The following SVIL variants were observed in gnomAD, a reference collection of about 807,000 sequenced individuals.
The protein encoded by SVIL is archvillin.
In SVIL, 101 loss-of-function variants were observed where a neutral mutation model predicts 240.4. The ratio of observed to expected loss-of-function variants is 0.42; its 90% CI spans 0.36 to 0.50. The LOEUF (loss-of-function observed/expected upper bound fraction) is 0.50. Ranked by LOEUF, SVIL falls within the 20% of genes least tolerant of loss-of-function variation. SVIL has a pLI of 0.01. For synonymous variants in SVIL, 999 were observed against 1,100.0 expected, an observed-to-expected ratio of 0.91 and a Z score of 1.82; for missense variants, 2,512 against 2,818.7, an observed-to-expected ratio of 0.89 and a Z score of 2.46.
Position 29,580,791 on chromosome 10 carries a change from C to T in SVIL, c.-200-11479G>A, listed in dbSNP as rs577820860. Reference sequence around the variant, plus strand: ...AAGCCATCCTTCTACCTCAGCCTCACGAGTAGCTGGGACCACGCCTGGCTA... The same window carrying T: ...AAGCCATCCTTCTACCTCAGCCTCATGAGTAGCTGGGACCACGCCTGGCTA... On this transcript the variant is annotated intron_variant, in intron 1 of 37. Coordinates refer to ENST00000355867, the MANE Select transcript of SVIL (RefSeq NM_021738.3). Among the ~76,000 whole-genome samples the T allele has an allele frequency of 6.6e-4, 101 of 152,234 alleles. 2 individuals carry two copies. Among genetic ancestry groups the T allele is most frequent in the East Asian group, 5.0e-3 (26 of 5,162 alleles).
At chr10:29,541,133 GT>G (rs1404748732) in intron 6 of SVIL, among the ~76,000 whole-genome samples, 1 of 152,182 alleles carries the variant, frequency 6.6e-6, no homozygotes, top group Non-Finnish European at 1.5e-5. Flanking sequence ...TTCTCTTCAT[GT>G]CTTTTAATCT....
intron 24 of SVIL, among the ~76,000 whole-genome samples, 198 bp downstream of exon 24, chr10:29,486,965 T>C (rs1947466099): frequency 6.6e-6 from 1 of 152,204 alleles, no homozygotes; most frequent in Non-Finnish European, 1.5e-5. Context: ...GTGTAGGTCA[T>C]AGTCCTAAAG....
At chr10:29,685,948 C>G (rs1169580483) in intron 2 of SVIL, among the ~76,000 whole-genome samples, 1 of 152,166 alleles carries the variant, frequency 6.6e-6, no homozygotes, top group Non-Finnish European at 1.5e-5. Flanking sequence ...GCCAGGCAAC[C>G]CATTCATTAG....
At chr10:29,732,858 G>A (rs201409061) in intron 1 of SVIL, among the ~76,000 whole-genome samples, 1 of 140,142 alleles carries the variant, frequency 7.1e-6, no homozygotes, top group Non-Finnish European at 1.6e-5. Context: ...TTGGGTTTTT[G>A]TTTTTTTTTT....
At chr10:29,514,319 C>CT (rs1329661860) in intron 16 of SVIL, among the ~76,000 whole-genome samples, 1 of 151,488 alleles carries the variant, frequency 6.6e-6, no homozygotes, top group Non-Finnish European at 1.5e-5. Context: ...TCACTGCAGC[C>CT]TCGAATTCCT....
intron 13 of SVIL, among the ~76,000 whole-genome samples, chr10:29,526,169 A>G (rs1208895714): frequency 1.3e-5 from 2 of 152,176 alleles, no homozygotes; most frequent in Non-Finnish European, 2.9e-5. Context: ...TTGACTCTAT[A>G]AATTAGAAAG....
intron 1 of SVIL, among the ~76,000 whole-genome samples, chr10:29,599,305 C>G (rs1235004753): frequency 6.6e-6 from 1 of 152,226 alleles, no homozygotes; most frequent in Non-Finnish European, 1.5e-5. Context: ...AGAATCACAG[C>G]TGTTCTTTTC....
intron 1 of SVIL, among the ~76,000 whole-genome samples, chr10:29,624,185 C>G (rs1277097366): frequency 6.8e-6 from 1 of 147,668 alleles, no homozygotes; most frequent in Non-Finnish European, 1.5e-5. Flanking sequence ...AAAAAAAACC[C>G]CTAGCATTTT....
At chr10:29,539,931 C>T (rs1303000931) in intron 6 of SVIL, among the ~76,000 whole-genome samples, 1 of 152,132 alleles carries the variant, frequency 6.6e-6, no homozygotes. Flanking sequence ...TTTCAAACCC[C>T]ACCCCTACCT....
chr10:29,458,591 T>C lies in SVIL; in HGVS notation c.6403-2A>G. ...GATCTGATTGGAAACTTCCGTGTCC[T>C]AGAGAAGAGGAGGGGGCAGAGAGGA... On this transcript the variant is annotated splice_acceptor_variant, in intron 36 of 37. Coordinates refer to ENST00000355867, the MANE Select transcript of SVIL (RefSeq NM_021738.3). LOFTEE classifies it high-confidence loss of function. 6.2e-7 allele frequency: 1 copy of C among 1,612,200 alleles called. No homozygotes were observed. Among genetic ancestry groups the C allele is most frequent in the Non-Finnish European group, 8.5e-7 (1 of 1,179,346 alleles).
intron 3 of SVIL, among the ~76,000 whole-genome samples, chr10:29,643,488 A>G (rs1020000154): frequency 6.6e-6 from 1 of 152,226 alleles, no homozygotes; most frequent in Non-Finnish European, 1.5e-5. Flanking sequence ...GCTGTAGTCT[A>G]CTGATATGTA....
At chr10:29,696,736 T>G (rs1962058080) in intron 1 of SVIL, among the ~76,000 whole-genome samples, 1 of 145,244 alleles carries the variant, frequency 6.9e-6, no homozygotes, top group Admixed American at 6.8e-5. Context: ...GTCTGAGAAG[T>G]GAGGAGCCCC....
chr10:29,474,301 G>A (rs999967305), intron 29 of SVIL, among the ~76,000 whole-genome samples: 1 of 152,194 alleles, frequency 6.6e-6, no homozygotes, highest in African/African-American at 2.4e-5. Context: ...GTGCAACAGA[G>A]TAATTTCTTC....
At chr10:29,487,550 G>A (rs1353746249) in intron 23 of SVIL, 6 of 433,636 alleles carry the variant, frequency 1.4e-5, no homozygotes, top group East Asian at 3.9e-5. Context: ...TGTCATGTGC[G>A]TGGGTTAATG....
chr10:29,525,141 G>A (rs930530814), intron 13 of SVIL, among the ~76,000 whole-genome samples: 6 of 152,232 alleles, frequency 3.9e-5, no homozygotes, highest in African/African-American at 1.2e-4. Context: ...ATTAGGAAAC[G>A]ATATAGTCCT....
intron 21 of SVIL, 49 bp from the exon 22 acceptor site, chr10:29,491,068 C>T: frequency 2.6e-6 from 4 of 1,566,918 alleles, no homozygotes; most frequent in Non-Finnish European, 3.5e-6. Context: ...ACCACCACCC[C>T]TGGATGACCT....
intron 3 of SVIL, among the ~76,000 whole-genome samples, 189 bp downstream of exon 3, chr10:29,563,012 G>GT (rs1162243120): frequency 3.3e-5 from 5 of 152,164 alleles, no homozygotes; most frequent in Non-Finnish European, 7.3e-5. Flanking sequence ...GAGTAGAAAG[G>GT]TGAGGATTAA....
intron 1 of SVIL, among the ~76,000 whole-genome samples, chr10:29,719,662 T>G (rs1963855861): frequency 6.6e-6 from 1 of 152,160 alleles, no homozygotes; most frequent in African/African-American, 2.4e-5. Flanking sequence ...AGAAATAATA[T>G]CTACAATGTG....
Position 29,509,356 on chromosome 10 carries a change from A to AGAGAGAG in SVIL, c.3516+3372_3516+3378dup, listed in dbSNP as rs1289442345. ...GAGAGAGAGAGAGAGAGAGAGAGAGAGAGAGAGAGAGAGAGAGAGAGAGAA... is the reference window on the plus strand; with the variant it reads ...GAGAGAGAGAGAGAGAGAGAGAGAGAGAGAGAGGAGAGAGAGAGAGAGAGAGAGAGAA... On this transcript the variant is annotated intron_variant, in intron 17 of 37. Transcript: ENST00000355867. 1.8e-4 allele frequency among the ~76,000 whole-genome samples: 22 copies of AGAGAGAG among 120,162 alleles called. 1 individual carries two copies. Among genetic ancestry groups the AGAGAGAG allele is most frequent in the Admixed American group, 5.0e-4 (6 of 11,896 alleles). The allele number at this position is 120,162 out of a possible 152,430, so 78.8% of individuals were successfully genotyped here. A position where few individuals can be genotyped will look rare whatever the true frequency, so the allele number is the denominator to read the frequency against.
Sources: gnomAD v4.1 joint callset for allele counts (sites outside exome capture counted in the v4.1 genomes callset) on GRCh38, gnomAD v4.1.1 for gene constraint, MANE v1.5 for transcripts, NCBI Gene and HGNC (gene_info 2026-07-23, HGNC 2026-07-21) for gene names.